EZR: variants seen among roughly 807,000 people sequenced by gnomAD.
The protein encoded by EZR is cytovillin 2.
A neutral mutation model predicts 74.8 loss-of-function variants in EZR; 40 were observed. The observed-to-expected ratio is 0.53, with a 90% confidence interval of 0.42 to 0.70. The LOEUF (loss-of-function observed/expected upper bound fraction) is 0.70. EZR is among the 30% of genes least tolerant of loss of function. The pLI is 0.00. For synonymous variants in EZR, 341 were observed against 283.3 expected (o/e 1.20, Z -2.05); for missense variants, 678 against 755.8 (o/e 0.90, Z 1.21).
chr6:158,771,264 C>G lies in EZR; in HGVS notation c.939G>C (p.Lys313Asn). 6.2e-7 allele frequency: 1 copy of G among 1,613,360 alleles called. No individual in the cohort carries two copies. Among genetic ancestry groups the G allele is most frequent in the Non-Finnish European group, 8.5e-7 (1 of 1,179,624 alleles). The change falls in exon 9 of 14, where the codon AAG becomes AAC. Residue 313 changes from lysine to asparagine, a missense_variant. Lys to Asn is a moderately conservative substitution (Grantham distance 94). Coordinates refer to ENST00000367075, the MANE Select transcript of EZR (RefSeq NM_001111077.2). ...CTCACCGCTCCAGCTGCTTCTGATG[C>G]TTCTCCTCCCGGGCCTGGGCCTTCA... ...QQMKAQAREE[K>N]HQKQLERQQL... is the part of the protein sequence containing the mutation.
intron 2 of EZR, among the ~76,000 whole-genome samples, chr6:158,793,458 G>C (rs1791794533): frequency 2.6e-5 from 4 of 151,974 alleles, no homozygotes; most frequent in Admixed American, 1.3e-4. Context: ...TCTTTACATA[G>C]AGATTGAAGA....
At chr6:158,792,047 A>T (rs1358075187) in intron 2 of EZR, among the ~76,000 whole-genome samples, 1 of 151,926 alleles carries the variant, frequency 6.6e-6, no homozygotes, top group East Asian at 1.9e-4. Context: ...TCTAAGTTTG[A>T]AGACAGTGTG....
At chr6:158,818,975 T>C (rs899863702) in intron 1 of EZR, among the ~76,000 whole-genome samples, 5 of 152,202 alleles carry the variant, frequency 3.3e-5, no homozygotes, top group Non-Finnish European at 5.9e-5. Flanking sequence ...TCACTTTGTG[T>C]AGCAACCGTT....
intron 4 of EZR, among the ~76,000 whole-genome samples, chr6:158,786,790 A>AT (rs1237214799): frequency 6.6e-6 from 1 of 152,256 alleles, no homozygotes; most frequent in East Asian, 1.9e-4. Flanking sequence ...AAACAAAGCA[A>AT]TAACAGGTTC....
chr6:158,780,693 G>C (rs561472850), intron 7 of EZR, among the ~76,000 whole-genome samples: 2 of 152,278 alleles, frequency 1.3e-5, no homozygotes, highest in South Asian at 2.1e-4. Flanking sequence ...AGCTAAGGGA[G>C]AAAAAGTGCT....
intron 2 of EZR, among the ~76,000 whole-genome samples, chr6:158,799,501 A>C (rs1189913142): frequency 6.6e-6 from 1 of 152,276 alleles, no homozygotes; most frequent in African/African-American, 2.4e-5. Flanking sequence ...ACTAGCAGAC[A>C]GGTTTTCTCT....
At chr6:158,817,280 G>A (rs1777578221) in intron 2 of EZR, among the ~76,000 whole-genome samples, 2 of 152,142 alleles carry the variant, frequency 1.3e-5, no homozygotes, top group African/African-American at 2.4e-5. Flanking sequence ...TTAAAAGCAG[G>A]TAGAATACAT....
chr6:158,796,416 G>A (rs1777073115), intron 2 of EZR, among the ~76,000 whole-genome samples: 2 of 152,256 alleles, frequency 1.3e-5, no homozygotes, highest in South Asian at 2.1e-4. Flanking sequence ...TGGCACACAG[G>A]CCTGGCGGCA....
intron 6 of EZR, 99 bp downstream of exon 6, chr6:158,784,545 T>C (rs1791516173): frequency 3.6e-6 from 4 of 1,102,576 alleles, no homozygotes; most frequent in Non-Finnish European, 1.4e-6. Flanking sequence ...TCACAAGGCC[T>C]GACACAGAGC....
chr6:158,783,547 C>G lies in EZR; in HGVS notation c.671G>C (p.Gly224Ala). The G allele has an allele frequency of 6.2e-7, 1 of 1,613,288 alleles. No individual in the cohort carries two copies. The highest frequency in any genetic ancestry group is 8.5e-7 in the Non-Finnish European group (1 of 1,179,804). ...TDLWLGVDAL[G>A]LNIYEKDDKL... Reference sequence around the variant, plus strand: ...ATCATCTTTCTCATAAATATTCAGTCCAAGGGCATCAACTCCAAGCCAAAG... The same window carrying G: ...ATCATCTTTCTCATAAATATTCAGTGCAAGGGCATCAACTCCAAGCCAAAG... Residue 224 changes from glycine (G) to alanine (A), a missense_variant, in exon 7 of 14, where the codon GGA becomes GCA. Gly to Ala is a moderately conservative substitution (Grantham distance 60). Coordinates refer to ENST00000367075, the MANE Select transcript of EZR (RefSeq NM_001111077.2).
chr6:158,767,970 T>C (rs547676026), intron 12 of EZR, among the ~76,000 whole-genome samples: 1 of 152,052 alleles, frequency 6.6e-6, no homozygotes, highest in Non-Finnish European at 1.5e-5. Flanking sequence ...ATCTGCTTTG[T>C]AGCCAGCTCT....
intron 2 of EZR, among the ~76,000 whole-genome samples, chr6:158,791,923 T>G (rs1791758952): frequency 6.6e-6 from 1 of 151,888 alleles, no homozygotes. Flanking sequence ...TTAGCCAGGA[T>G]GGTCTCAATC....
chr6:158,771,933 C>T (rs1337916393), intron 8 of EZR, among the ~76,000 whole-genome samples: 1 of 152,198 alleles, frequency 6.6e-6, no homozygotes, highest in Non-Finnish European at 1.5e-5. Context: ...CCCTCCCACA[C>T]TGTTATTGCT....
chr6:158,779,872 A>G (rs1234234777), intron 7 of EZR, among the ~76,000 whole-genome samples: 1 of 151,468 alleles, frequency 6.6e-6, no homozygotes, highest in Non-Finnish European at 1.5e-5. Flanking sequence ...CACCATGCCC[A>G]GCCTGAAATG....
intron 7 of EZR, among the ~76,000 whole-genome samples, chr6:158,778,962 A>C (rs925354932): frequency 6.6e-6 from 1 of 152,216 alleles, no homozygotes; most frequent in East Asian, 1.9e-4. Context: ...ATACCACAGT[A>C]ATCTCATCAA....
intron 2 of EZR, among the ~76,000 whole-genome samples, chr6:158,799,580 A>C (rs1003046082): frequency 2.0e-5 from 3 of 152,238 alleles, no homozygotes; most frequent in Non-Finnish European, 2.9e-5. Context: ...TAATCCCCTT[A>C]TCTCACTGTC....
At chr6:158,785,658 C>G in intron 4 of EZR, 75 bp from the exon 5 acceptor site, 3 of 1,565,522 alleles carry the variant, frequency 1.9e-6, no homozygotes, top group Non-Finnish European at 2.6e-6. Context: ...AGGCTTCTAA[C>G]CAAGACTCAA....
At chr6:158,804,408 A>T (rs181637365) in intron 2 of EZR, among the ~76,000 whole-genome samples, 1 of 152,364 alleles carries the variant, frequency 6.6e-6, no homozygotes, top group African/African-American at 2.4e-5. Flanking sequence ...ACCTTGAACA[A>T]GAATTTATCT....
chr6:158,777,327 C>T (rs769872888), intron 7 of EZR, among the ~76,000 whole-genome samples: 2 of 152,250 alleles, frequency 1.3e-5, no homozygotes, highest in East Asian at 1.9e-4. Context: ...CTCCAACTTC[C>T]AGGACAGCCT....
Sources: gnomAD v4.1 joint callset for allele counts (sites outside exome capture counted in the v4.1 genomes callset) on GRCh38, gnomAD v4.1.1 for gene constraint, MANE v1.5 for transcripts, NCBI Gene and HGNC (gene_info 2026-07-23, HGNC 2026-07-21) for gene names.